CELSR1: variants seen among roughly 807,000 people sequenced by gnomAD.
The protein encoded by CELSR1 is cadherin EGF LAG seven-pass G-type receptor 1.
CELSR1 carries 110 observed loss-of-function variants against 249.1 expected under a neutral mutation model. That is an observed-to-expected ratio of 0.44 (90% confidence interval 0.38 to 0.52). The LOEUF is 0.52. Ranked by LOEUF, CELSR1 falls within the 20% of genes least tolerant of loss-of-function variation. The pLI, the probability that CELSR1 is intolerant of heterozygous loss-of-function variation, is 0.00. For missense variants in CELSR1, 4,109 were observed against 4,296.4 expected (o/e 0.96, Z 1.22); for synonymous variants, 2,113 against 1,900.0 (o/e 1.11, Z -2.92).
intron 29 of CELSR1, 114 bp downstream of exon 29, chr22:46,366,879 C>T: frequency 5.0e-6 from 7 of 1,408,444 alleles, no homozygotes; most frequent in Non-Finnish European, 6.6e-6. Flanking sequence ...CTCTGCCATC[C>T]CCACCGTGAG....
intron 2 of CELSR1, among the ~76,000 whole-genome samples, chr22:46,455,841 A>AC (rs2079942804): frequency 6.6e-6 from 1 of 152,132 alleles, no homozygotes; most frequent in Non-Finnish European, 1.5e-5. Flanking sequence ...ATTGACCCAC[A>AC]CCCTGATCCC....
At position 46,448,043 on chromosome 22, in the gene CELSR1, C is replaced by T. The variant is rs1176601250; in HGVS notation, c.4184-8632G>A. On this transcript the variant is annotated intron_variant, in intron 2 of 34. Transcript: ENST00000674500. This position sits in a 1 kb window ranked among gnomAD's most constrained non-coding sequence, Gnocchi z 5.7. The stretch of plus-strand genomic sequence containing the variant: ...CCATACCAGGCTTGGGGCTGGTGCA[C>T]TGCCCTGCCTGCCCAGAGACCCTAG... Among the ~76,000 whole-genome samples, 1 of 152,220 alleles carries T rather than the reference C, an allele frequency of 6.6e-6. No homozygotes were observed. The highest frequency in any genetic ancestry group is 1.9e-4 in the East Asian group (1 of 5,194).
chr22:46,402,637 G>T lies in CELSR1; in HGVS notation c.5227-2735C>A, dbSNP rs945122091. On this transcript the variant is annotated intron_variant, in intron 9 of 34. Coordinates refer to ENST00000674500, the MANE Select transcript of CELSR1 (RefSeq NM_001378328.1). The surrounding 1 kb of genome is among the most constrained non-coding windows in gnomAD (Gnocchi z 5.0). ...TGAAAACCAAGAGAAGCAAGGAAGA[G>T]TGGCAACAGACCACAGATTCATCAG... Among the ~76,000 whole-genome samples the T allele has an allele frequency of 6.6e-6, 1 of 152,222 alleles. No homozygotes were observed. The highest frequency in any genetic ancestry group is 1.5e-5 in the Non-Finnish European group (1 of 68,046).
chr22:46,478,909 C>T (rs1417609934), intron 1 of CELSR1, among the ~76,000 whole-genome samples: 1 of 151,928 alleles, frequency 6.6e-6, no homozygotes, highest in African/African-American at 2.4e-5. Flanking sequence ...TGCAGCAGGT[C>T]CTGCTCAGAG....
intron 33 of CELSR1, 85 bp from the exon 34 acceptor site, chr22:46,364,336 A>G (rs1009577913): frequency 9.6e-6 from 15 of 1,557,672 alleles, no homozygotes; most frequent in African/African-American, 4.1e-5. Context: ...AGCCAGCCTC[A>G]GCCCCTGTCC....
intron 2 of CELSR1, among the ~76,000 whole-genome samples, chr22:46,462,105 T>TCTGC (rs1055128714): frequency 3.3e-5 from 5 of 152,200 alleles, no homozygotes; most frequent in Non-Finnish European, 7.4e-5. Flanking sequence ...TCCCGCCGCC[T>TCTGC]CTGCCTGCCT....
chr22:46,434,847 A>C lies in CELSR1; in HGVS notation c.4522+1327T>G, dbSNP rs1313135006. On this transcript the variant is annotated intron_variant, in intron 4 of 34. Coordinates refer to ENST00000674500, the MANE Select transcript of CELSR1 (RefSeq NM_001378328.1). This position sits in a 1 kb window ranked among gnomAD's most constrained non-coding sequence, Gnocchi z 4.9. Reference sequence around the variant, plus strand: ...CCCTGTCTCTACTAAAAATACAAAAATTAGCCGGGCATGGTGAAACGTGCC... The same window carrying C: ...CCCTGTCTCTACTAAAAATACAAAACTTAGCCGGGCATGGTGAAACGTGCC... 6.6e-6 allele frequency among the ~76,000 whole-genome samples: 1 copy of C among 152,072 alleles called. No individual in the cohort carries two copies. Among genetic ancestry groups the C allele is most frequent in the East Asian group, 1.9e-4 (1 of 5,162 alleles).
At position 46,517,817 on chromosome 22, in the gene CELSR1, A is replaced by AAGGG. The variant is rs1569214362; in HGVS notation, c.3544+15806_3544+15809dup. On this transcript the variant is annotated intron_variant, in intron 1 of 34. Coordinates refer to ENST00000674500, the MANE Select transcript of CELSR1 (RefSeq NM_001378328.1). The surrounding 1 kb of genome is among the most constrained non-coding windows in gnomAD (Gnocchi z 5.4). The stretch of plus-strand genomic sequence containing the variant: ...CACTTGGCATTGAGACCCAGAGGGA[A>AAGGG]AGGGAGGGTGAGCTGTCATCTGAAA... Among the ~76,000 whole-genome samples, 1 of 152,090 alleles carries AAGGG rather than the reference A, an allele frequency of 6.6e-6. No individual in the cohort carries two copies. The highest frequency in any genetic ancestry group is 1.9e-4 in the East Asian group (1 of 5,180).
chr22:46,413,033 G>A lies in CELSR1; in HGVS notation c.4612-1274C>T, dbSNP rs1454799819. Among the ~76,000 whole-genome samples the A allele has an allele frequency of 2.6e-5, 4 of 152,140 alleles. No homozygotes were observed. The highest frequency in any genetic ancestry group is 2.4e-5 in the African/African-American group (1 of 41,422). On this transcript the variant is annotated intron_variant, in intron 5 of 34. Transcript: ENST00000674500. This position sits in a 1 kb window ranked among gnomAD's most constrained non-coding sequence, Gnocchi z 4.7. ...CTCCCACCACCCCTATAAAGGATGGGTTCGATGCCTCCTCCTGATAGTTCT... is the reference window on the plus strand; with the variant it reads ...CTCCCACCACCCCTATAAAGGATGGATTCGATGCCTCCTCCTGATAGTTCT...
chr22:46,512,358 G>A lies in CELSR1; in HGVS notation c.3544+21269C>T, dbSNP rs1250184545. Among the ~76,000 whole-genome samples, 1 of 152,290 alleles carries A rather than the reference G, an allele frequency of 6.6e-6. No homozygotes were observed. Among genetic ancestry groups the A allele is most frequent in the South Asian group, 2.1e-4 (1 of 4,830 alleles). On this transcript the variant is annotated intron_variant, in intron 1 of 34. Transcript: ENST00000674500. The surrounding 1 kb of genome is among the most constrained non-coding windows in gnomAD (Gnocchi z 5.2). ...GGCCAAGGCAGGCGGATCACATGAG[G>A]TCAGGAGATCGAGACCATCCTGGCC...
rs1392898867 is a variant in CELSR1 at position 46,390,403 on chromosome 22, G to C, written c.6334C>G (p.Leu2112Val). 1.8e-5 allele frequency: 29 copies of C among 1,613,140 alleles called. No homozygotes were observed. Among genetic ancestry groups the C allele is most frequent in the Non-Finnish European group, 2.4e-5 (28 of 1,179,634 alleles). ...FNCTTISFVD[L>V]RAMNEKLSRN... ...CGAGGCGCCCCTACCATGGCCCTGA[G>C]GTCCACGAAGGAGATGGTGGTACAG... The change falls in exon 17 of 35, where the codon CTC becomes GTC. Residue 2112 changes from leucine to valine, a missense_variant. Around this residue, in one of 7 missense-constraint regions of CELSR1, gnomAD observed 1,805 missense variants for 1,831.6 expected, o/e 0.99. Coordinates refer to ENST00000674500, the MANE Select transcript of CELSR1 (RefSeq NM_001378328.1). This position sits in a 1 kb window ranked among gnomAD's most constrained non-coding sequence, Gnocchi z 6.3.
chr22:46,513,507 A>G (rs2080594530), intron 1 of CELSR1, among the ~76,000 whole-genome samples: 1 of 151,826 alleles, frequency 6.6e-6, no homozygotes, highest in Non-Finnish European at 1.5e-5. Flanking sequence ...TTCAAGCAAT[A>G]TTCTCAACCA....
chr22:46,484,569 G>A lies in CELSR1; in HGVS notation c.3545-20224C>T, dbSNP rs1156832149. ...GTGCCTCAAGTTAGAGCTGGGGGCA[G>A]CCCGGGACAGCCTGGCAAGGGGCAG... On this transcript the variant is annotated intron_variant, in intron 1 of 34. Coordinates refer to ENST00000674500, the MANE Select transcript of CELSR1 (RefSeq NM_001378328.1). This position sits in a 1 kb window ranked among gnomAD's most constrained non-coding sequence, Gnocchi z 4.5. Among the ~76,000 whole-genome samples the A allele has an allele frequency of 6.6e-6, 1 of 150,702 alleles. No individual in the cohort carries two copies. Among genetic ancestry groups the A allele is most frequent in the Admixed American group, 6.7e-5 (1 of 14,992 alleles).
intron 5 of CELSR1, among the ~76,000 whole-genome samples, chr22:46,426,139 G>A (rs891337917): frequency 3.9e-5 from 6 of 152,234 alleles, no homozygotes; most frequent in Middle Eastern, 3.2e-3. Flanking sequence ...TGGGGAGGGC[G>A]CAGCCGGGGA....
chr22:46,508,862 C>T lies in CELSR1; in HGVS notation c.3544+24765G>A, dbSNP rs561141267. 3.3e-3 allele frequency among the ~76,000 whole-genome samples: 497 copies of T among 152,280 alleles called. 6 individuals are homozygous for T. The Middle Eastern group carries it at 0.037, about 11-fold the overall frequency. On this transcript the variant is annotated intron_variant, in intron 1 of 34. Transcript: ENST00000674500. ...TCTGTGAACCTGGGAAACTGGGCCC[C>T]GGGGACCGCCATGCAGTCAGACCCT...
In CELSR1 at chr22:46,454,809, C is replaced by A. The variant is rs539833256; in HGVS notation, c.4183+8898G>T. On this transcript the variant is annotated intron_variant, in intron 2 of 34. Transcript: ENST00000674500. The surrounding 1 kb of genome is among the most constrained non-coding windows in gnomAD (Gnocchi z 5.1). ...GCAGGCCAGTGAGAAGCGCCAACAG[C>A]CCTGGTTCCCAAACTCCTTAGCTCC... 1.3e-5 allele frequency among the ~76,000 whole-genome samples: 2 copies of A among 152,370 alleles called. No individual in the cohort carries two copies. Among genetic ancestry groups the A allele is most frequent in the South Asian group, 4.1e-4 (2 of 4,830 alleles).
intron 1 of CELSR1, among the ~76,000 whole-genome samples, chr22:46,489,852 G>A (rs1204016937): frequency 1.3e-5 from 2 of 150,100 alleles, no homozygotes; most frequent in East Asian, 3.9e-4. Context: ...CCAAAATTGC[G>A]CCACTGCACT....
rs890506987 is a variant in CELSR1, at chr22:46,381,609, C to T, written c.7088+237G>A. On this transcript the variant is annotated intron_variant, in intron 21 of 34. Coordinates refer to ENST00000674500, the MANE Select transcript of CELSR1 (RefSeq NM_001378328.1). The surrounding 1 kb of genome is among the most constrained non-coding windows in gnomAD (Gnocchi z 6.0). ...GGGGAGGGGGCATTTCTGGCACAAACACCAGGATGAGCCCAGGCAAAGGGT... is the reference window on the plus strand; with the variant it reads ...GGGGAGGGGGCATTTCTGGCACAAATACCAGGATGAGCCCAGGCAAAGGGT... 4.6e-5 allele frequency among the ~76,000 whole-genome samples: 7 copies of T among 152,226 alleles called. No homozygotes were observed. The highest frequency in any genetic ancestry group is 2.1e-4 in the South Asian group (1 of 4,836).
At chr22:46,481,588 T>C (rs2080266954) in intron 1 of CELSR1, 2 of 802,614 alleles carry the variant, frequency 2.5e-6, no homozygotes, top group African/African-American at 1.7e-5. Context: ...CTCGATGCAC[T>C]GGTGCACCTG....
Sources: gnomAD v4.1 joint callset for allele counts (sites outside exome capture counted in the v4.1 genomes callset) on GRCh38, gnomAD v4.1.1 for gene constraint, gnomAD v4.1.1 regional missense constraint, Gnocchi (gnomAD v3.1) non-coding constraint, MANE v1.5 for transcripts, NCBI Gene and HGNC (gene_info 2026-07-23, HGNC 2026-07-21) for gene names.